The following ANGPT1 variants were observed in gnomAD, a reference collection of about 807,000 sequenced individuals.
ANGPT1 encodes angiopoietin 1, also known as angiopoietin-1.
In ANGPT1, 17 loss-of-function variants were observed where a neutral mutation model predicts 62.2. That is an observed-to-expected ratio of 0.27 (90% CI 0.19 to 0.41). The LOEUF is 0.41. ANGPT1 is among the 10% of genes least tolerant of loss of function. The probability of loss-of-function intolerance (pLI) is 1.00; values close to 1 mark genes in which losing one functional copy is unlikely to be tolerated. For missense variants in ANGPT1, 478 were observed against 594.9 expected (o/e 0.80, Z 2.04); for synonymous variants, 199 against 198.9 (o/e 1.00, Z 0.00).
chr8:107,398,500 A>ATTTTTTTTTTTTTTTTTTTTTAT (rs10556477), intron 1 of ANGPT1, among the ~76,000 whole-genome samples: 1 of 132,766 alleles, frequency 7.5e-6, no homozygotes, highest in Admixed American at 8.0e-5. Flanking sequence ...TTTCTTTTCT[A>ATTTTTTTTTTTTTTTTTTTTTAT]TTTTTTTTTT....
At chr8:107,316,246 T>G (rs2130038768) in intron 4 of ANGPT1, among the ~76,000 whole-genome samples, 1 of 152,322 alleles carries the variant, frequency 6.6e-6, no homozygotes, top group African/African-American at 2.4e-5. Flanking sequence ...TAGAGATCAC[T>G]TTGAAATTCT....
At chr8:107,257,881 T>TTG (rs1428529708) in intron 8 of ANGPT1, among the ~76,000 whole-genome samples, 2,166 of 58,406 alleles carry the variant, frequency 0.037, 160 homozygotes, top group African/African-American at 0.11. Flanking sequence ...TTTTTGTTTC[T>TTG]TTTTTGTTTG....
intron 7 of ANGPT1, among the ~76,000 whole-genome samples, chr8:107,283,446 C>T (rs1586186231): frequency 1.3e-5 from 2 of 151,886 alleles, no homozygotes; most frequent in South Asian, 4.2e-4. Flanking sequence ...TATTATGTCT[C>T]CAAGGATCCA....
At chr8:107,255,849 G>GA (rs1485865339) in intron 8 of ANGPT1, among the ~76,000 whole-genome samples, 1 of 151,472 alleles carries the variant, frequency 6.6e-6, no homozygotes, top group African/African-American at 2.4e-5. Context: ...GTTTAGGCCA[G>GA]AAAAAAAAGA....
chr8:107,396,876 C>T (rs1159433480), intron 1 of ANGPT1, among the ~76,000 whole-genome samples: 1 of 151,896 alleles, frequency 6.6e-6, no homozygotes, highest in East Asian at 1.9e-4. Flanking sequence ...TTATTTCCTA[C>T]TATTTTATGA....
In ANGPT1 at chr8:107,425,273, C is replaced by G. The variant is rs374605174; in HGVS notation, c.297+71989G>C. Among the ~76,000 whole-genome samples the G allele has an allele frequency of 2.4e-4, 36 of 152,298 alleles. No individual in the cohort carries two copies. The East Asian group carries it at 6.0e-3, about 25-fold the overall frequency. The stretch of plus-strand genomic sequence containing the variant: ...TTTCTAGTATGGAATTCAGGCTCAG[C>G]AATATGGTGACCATACGCTACTATG... On this transcript the variant is annotated intron_variant, in intron 1 of 8. Transcript: ENST00000517746.
chr8:107,450,730 G>GTGTT (rs58247438), intron 1 of ANGPT1, among the ~76,000 whole-genome samples: 1 of 118,342 alleles, frequency 8.5e-6, no homozygotes, highest in African/African-American at 2.7e-5. Flanking sequence ...GTGTGTGTGT[G>GTGTT]CATGTGTGCA....
At chr8:107,371,896 A>T (rs1816423273) in intron 1 of ANGPT1, among the ~76,000 whole-genome samples, 1 of 152,058 alleles carries the variant, frequency 6.6e-6, no homozygotes, top group African/African-American at 2.4e-5. Context: ...TGGCTGTTTT[A>T]ATTTTCTAAA....
chr8:107,412,226 A>G (rs1207751569), intron 1 of ANGPT1, among the ~76,000 whole-genome samples: 2 of 152,130 alleles, frequency 1.3e-5, no homozygotes, highest in African/African-American at 4.8e-5. Context: ...CTCAGTTAAA[A>G]GTGACCTAAA....
chr8:107,477,192 C>T (rs1427660360), intron 1 of ANGPT1, among the ~76,000 whole-genome samples: 1 of 152,172 alleles, frequency 6.6e-6, no homozygotes, highest in African/African-American at 2.4e-5. Flanking sequence ...CACACCTACT[C>T]ATTCATTTAT....
At chr8:107,283,453 TCCAACC>T (rs1814063913) in intron 7 of ANGPT1, among the ~76,000 whole-genome samples, 1 of 151,894 alleles carries the variant, frequency 6.6e-6, no homozygotes, top group African/African-American at 2.4e-5. Context: ...TCTCCAAGGA[TCCAACC>T]CCATACATAA....
At chr8:107,381,960 CAT>C (rs1816646183) in intron 1 of ANGPT1, among the ~76,000 whole-genome samples, 1 of 152,098 alleles carries the variant, frequency 6.6e-6, no homozygotes, top group Non-Finnish European at 1.5e-5. Context: ...TTTTGTAAGA[CAT>C]AGAGGAAAGA....
chr8:107,387,635 C>T (rs1421471994), intron 1 of ANGPT1, among the ~76,000 whole-genome samples: 1 of 112,742 alleles, frequency 8.9e-6, no homozygotes, highest in Non-Finnish European at 2.2e-5. Context: ...ATAATTGACA[C>T]TAACATTGAT....
chr8:107,392,195 T>C (rs1222826782), intron 1 of ANGPT1, among the ~76,000 whole-genome samples: 1 of 152,172 alleles, frequency 6.6e-6, no homozygotes, highest in African/African-American at 2.4e-5. Flanking sequence ...ATCTTGTATA[T>C]AATTATATGA....
intron 4 of ANGPT1, among the ~76,000 whole-genome samples, chr8:107,318,115 A>G (rs936347214): frequency 1.3e-5 from 2 of 152,230 alleles, no homozygotes; most frequent in Admixed American, 6.5e-5. Flanking sequence ...ACTGAGGGCA[A>G]TATTTCTTTA....
intron 1 of ANGPT1, among the ~76,000 whole-genome samples, chr8:107,379,261 T>C (rs1027438130): frequency 8.7e-6 from 1 of 115,218 alleles, no homozygotes; most frequent in Non-Finnish European, 1.9e-5. Flanking sequence ...GCACCTAGAG[T>C]AGACCACCTC....
intron 6 of ANGPT1, among the ~76,000 whole-genome samples, chr8:107,287,720 A>C (rs1182869427): frequency 1.3e-5 from 2 of 152,044 alleles, no homozygotes; most frequent in Admixed American, 6.6e-5. Flanking sequence ...GGATGAAATA[A>C]CCTCTACCCC....
At chr8:107,483,620 T>C (rs1189321566) in intron 1 of ANGPT1, among the ~76,000 whole-genome samples, 2 of 152,168 alleles carry the variant, frequency 1.3e-5, no homozygotes, top group Non-Finnish European at 2.9e-5. Context: ...TTTTAAGTGA[T>C]GACTCTTCCC....
intron 1 of ANGPT1, among the ~76,000 whole-genome samples, chr8:107,486,302 G>A (rs1216151290): frequency 6.6e-6 from 1 of 152,146 alleles, no homozygotes; most frequent in African/African-American, 2.4e-5. Flanking sequence ...AGACTGCCTG[G>A]GATTGAGTGC....
Sources: gnomAD v4.1 joint callset for allele counts (sites outside exome capture counted in the v4.1 genomes callset) on GRCh38, gnomAD v4.1.1 for gene constraint, MANE v1.5 for transcripts, NCBI Gene and HGNC (gene_info 2026-07-23, HGNC 2026-07-21) for gene names.